PPIE: variants seen among roughly 807,000 people sequenced by gnomAD.
PPIE encodes peptidyl-prolyl cis-trans isomerase E.
Under a neutral mutation model 38.4 loss-of-function variants are expected in PPIE, and 20 were observed. That is an observed-to-expected ratio of 0.52 (90% CI 0.37 to 0.76). The LOEUF (loss-of-function observed/expected upper bound fraction) is 0.76. PPIE is among the 30% of genes least tolerant of loss of function. The probability of loss-of-function intolerance (pLI) is 0.00; values close to 1 mark genes in which losing one functional copy is unlikely to be tolerated. For synonymous variants in PPIE, 142 were observed against 135.7 expected (o/e 1.05, Z -0.32); for missense variants, 322 against 385.8 (o/e 0.83, Z 1.39).
downstream of PPIE, among the ~76,000 whole-genome samples, chr1:39,760,818 T>A (rs1420281498): frequency 6.6e-6 from 1 of 152,108 alleles, no homozygotes; most frequent in Admixed American, 6.5e-5. Flanking sequence ...GGCAAGGCGC[T>A]AATGAGGGGC....
chr1:39,743,691 C>T (rs1025376847), intron 5 of PPIE, 133 bp from the exon 6 acceptor site: 10 of 689,092 alleles, frequency 1.5e-5, no homozygotes, highest in East Asian at 8.0e-5. Flanking sequence ...CTTTCCTTAC[C>T]CCTGGGAGTT....
At chr1:39,742,024 A>G (rs1235147348) in intron 4 of PPIE, 103 bp downstream of exon 4, 6 of 1,242,844 alleles carry the variant, frequency 4.8e-6, no homozygotes, top group South Asian at 1.3e-5. Flanking sequence ...ACAAGGTTGC[A>G]TGGGGAGGTA....
At chr1:39,761,884 C>T (rs1239545623) in intron 9 of PPIE, among the ~76,000 whole-genome samples, 4 of 152,252 alleles carry the variant, frequency 2.6e-5, no homozygotes, top group African/African-American at 7.2e-5. Flanking sequence ...TAGAGCGCAG[C>T]GCCTGTCTGT....
rs533143017 is a variant in PPIE at position 39,744,142 on chromosome 1, A to G, written c.384+218A>G. Among the ~76,000 whole-genome samples the G allele has an allele frequency of 5.9e-5, 9 of 152,248 alleles. No individual in the cohort carries two copies. The South Asian group carries it at 1.5e-3, about 25-fold the overall frequency. ...GGGCGAAACTTTGGGTCTCTTGTCCATGTTGTGTTCTATGTGATGAGTGTC... is the reference window on the plus strand; with the variant it reads ...GGGCGAAACTTTGGGTCTCTTGTCCGTGTTGTGTTCTATGTGATGAGTGTC... On this transcript the variant is annotated intron_variant, in intron 6 of 9. Coordinates refer to ENST00000324379, the MANE Select transcript of PPIE (RefSeq NM_006112.4).
chr1:39,740,046 T>G, intron 1 of PPIE, 119 bp from the exon 2 acceptor site: 1 of 687,102 alleles, frequency 1.5e-6, no homozygotes, highest in Admixed American at 2.7e-5. Context: ...GGGATGTTTG[T>G]TTACCCAAAG....
chr1:39,749,920 G>A (rs1205795151), intron 8 of PPIE, among the ~76,000 whole-genome samples: 1 of 152,128 alleles, frequency 6.6e-6, no homozygotes, highest in Non-Finnish European at 1.5e-5. Context: ...GATCACCTGA[G>A]GTCAGGAGTT....
At position 39,753,339 on chromosome 1, in the gene PPIE, G is replaced by C; in HGVS notation, c.890G>C (p.Cys297Ser). ...AAGCAGAAGGTGATCATCGCCGACT[G>C]TGGGGAGTACGTGTGAGGCGGCACT... ...KPKQKVIIAD[C>S]GEYV Residue 297 changes from cysteine (C) to serine (S), a missense_variant, in exon 10 of 10, where the codon TGT becomes TCT. Transcript: ENST00000324379. 2 of 1,614,164 alleles carry C rather than the reference G, an allele frequency of 1.2e-6. No homozygotes were observed. Among genetic ancestry groups the C allele is most frequent in the Non-Finnish European group, 1.7e-6 (2 of 1,180,002 alleles).
In PPIE at chr1:39,756,098, G is replaced by A; in HGVS notation, c.*2743G>A. 1 of 985,432 alleles carries A rather than the reference G, an allele frequency of 1.0e-6. No individual in the cohort carries two copies. The highest frequency in any genetic ancestry group is 1.2e-6 in the Non-Finnish European group (1 of 829,928). The allele number at this position is 985,432 out of a possible 1,614,324, so 61.0% of individuals were successfully genotyped here. On this transcript the variant is annotated 3_prime_UTR_variant, in exon 10 of 10. Coordinates refer to ENST00000324379, the MANE Select transcript of PPIE (RefSeq NM_006112.4). ...CAGAAGGGAGGGGAGCCCCAGAGCT[G>A]GGCAGTGGCATGCCCCACAGCCTGG...
Position 39,753,446 on chromosome 1 carries a change from C to G in PPIE, c.*91C>G. On this transcript the variant is annotated 3_prime_UTR_variant, in exon 10 of 10. Coordinates refer to ENST00000324379, the MANE Select transcript of PPIE (RefSeq NM_006112.4). ...TCAGAGGAGGCAGCACCGAGGGTGC[C>G]TGTTTGAAGCAAGCAGCATTTGGGA... 6.4e-7 allele frequency: 1 copy of G among 1,553,012 alleles called. No individual in the cohort carries two copies. Among genetic ancestry groups the G allele is most frequent in the Non-Finnish European group, 8.7e-7 (1 of 1,151,114 alleles).
At chr1:39,762,535 G>C in intron 9 of PPIE, 1 of 1,550,264 alleles carries the variant, frequency 6.5e-7, no homozygotes, top group Non-Finnish European at 8.7e-7. Context: ...AGATACCAAG[G>C]CATCAAAAGC....
At chr1:39,763,040 T>C in intron 9 of PPIE, 1 of 1,594,052 alleles carries the variant, frequency 6.3e-7, no homozygotes, top group Non-Finnish European at 8.6e-7. Context: ...CAGACCCCTC[T>C]CCACAGGGCC....
chr1:39,753,709 TC>T lies in PPIE; in HGVS notation c.*356del. 1 of 1,050,892 alleles carries T rather than the reference TC, an allele frequency of 9.5e-7. No individual in the cohort carries two copies. Among genetic ancestry groups the T allele is most frequent in the Non-Finnish European group, 1.1e-6 (1 of 871,642 alleles). The allele number at this position is 1,050,892 out of a possible 1,614,324, so 65.1% of individuals were successfully genotyped here. ...TAAACCCTAGTTCTTATATTGCTCTTCCTGCTAGTTCTTGGGAGTTGTCAGA... is the reference window on the plus strand; with the variant it reads ...TAAACCCTAGTTCTTATATTGCTCTTCTGCTAGTTCTTGGGAGTTGTCAGA... On this transcript the variant is annotated 3_prime_UTR_variant, in exon 10 of 10. Transcript: ENST00000324379.
At chr1:39,753,094 G>C in intron 9 of PPIE, 42 bp downstream of exon 9, 1 of 1,612,432 alleles carries the variant, frequency 6.2e-7, no homozygotes, top group Non-Finnish European at 8.5e-7. Flanking sequence ...CCAGGCCCTA[G>C]GAGCACAGCC....
At chr1:39,750,441 T>C (rs1432384390) in intron 8 of PPIE, among the ~76,000 whole-genome samples, 3 of 152,196 alleles carry the variant, frequency 2.0e-5, no homozygotes, top group African/African-American at 7.2e-5. Flanking sequence ...TTTCCTGAAA[T>C]GCTTGGGACC....
chr1:39,760,693 C>T, downstream of PPIE: 1 of 1,260,340 alleles, frequency 7.9e-7, no homozygotes, highest in Non-Finnish European at 1.1e-6. Flanking sequence ...GGGAGCAGCA[C>T]AATAATAATA....
At position 39,749,104 on chromosome 1, in the gene PPIE, C is replaced by A. The variant is rs772741037; in HGVS notation, c.694+16C>A. ...ACGGGACCAGGTAGGAGCCAGTTGG[C>A]ATGTGGTGACGAGGGAGGCTGGGCA... On this transcript the variant is annotated intron_variant, in intron 8 of 9. Transcript: ENST00000324379. 6.4e-7 allele frequency: 1 copy of A among 1,568,994 alleles called. No individual in the cohort carries two copies. The highest frequency in any genetic ancestry group is 1.9e-5 in the Admixed American group (1 of 53,272).
chr1:39,743,238 G>A lies in PPIE; in HGVS notation c.224G>A (p.Arg75His). The A allele has an allele frequency of 6.2e-7, 1 of 1,614,068 alleles. No individual in the cohort carries two copies. The highest frequency in any genetic ancestry group is 8.5e-7 in the Non-Finnish European group (1 of 1,179,980). The change falls in exon 5 of 10, where the codon CGT (arginine) becomes CAT (histidine). Residue 75 changes from arginine to histidine, a missense_variant. Physicochemically the swap from Arg to His is conservative, Grantham distance 29. Coordinates refer to ENST00000324379, the MANE Select transcript of PPIE (RefSeq NM_006112.4). ...DNMNESELFG[R>H]TIRVNLAKPM... ...CAGAATGAATCTGAGCTTTTTGGAC[G>A]TACAATTCGTGTCAATTTGGCCAAA...
At chr1:39,756,807 G>T (rs1258285755), downstream of PPIE, among the ~76,000 whole-genome samples, 2 of 152,184 alleles carry the variant, frequency 1.3e-5, no homozygotes, top group Non-Finnish European at 1.5e-5. Flanking sequence ...GTAGTGATTT[G>T]AATTGTATTT....
At chr1:39,745,340 A>G (rs1647167878) in intron 6 of PPIE, 35 bp from the exon 7 acceptor site, 1 of 1,613,286 alleles carries the variant, frequency 6.2e-7, no homozygotes, top group African/African-American at 1.3e-5. Flanking sequence ...GGCGTCAGGG[A>G]GCTCTCTCTA....
Sources: gnomAD v4.1 joint callset for allele counts (sites outside exome capture counted in the v4.1 genomes callset) on GRCh38, gnomAD v4.1.1 for gene constraint, MANE v1.5 for transcripts, NCBI Gene and HGNC (gene_info 2026-07-23, HGNC 2026-07-21) for gene names.